The following HSP90AA1 variants were observed in gnomAD, a reference collection of about 807,000 sequenced individuals.
HSP90AA1 encodes the protein heat shock protein HSP 90-alpha.
In HSP90AA1, 18 loss-of-function variants were observed where a neutral mutation model predicts 73.3. The ratio of observed to expected loss-of-function variants is 0.25; its 90% CI spans 0.17 to 0.36. The LOEUF (loss-of-function observed/expected upper bound fraction) is 0.36. Among genes scored for constraint, HSP90AA1 ranks in the 10% least tolerant of loss-of-function variants. The pLI is 1.00. For synonymous variants in HSP90AA1, 477 were observed against 296.9 expected (o/e 1.61, Z -6.24); for missense variants, 704 against 874.2 (o/e 0.81, Z 2.45).
At position 102,083,586 on chromosome 14, in the gene HSP90AA1, G is replaced by A; in HGVS notation, c.1446C>T (p.Thr482=). The A allele has an allele frequency of 6.2e-7, 1 of 1,613,550 alleles. No homozygotes were observed. The highest frequency in any genetic ancestry group is 2.2e-5 in the East Asian group (1 of 44,872). Reference sequence around the variant, plus strand: ...TATGTTTCTGGTTCTCCTTCATTCTGGTGCAGTAGTCCTTGAGAGAAACCA... The same window carrying A: ...TATGTTTCTGGTTCTCCTTCATTCTAGTGCAGTAGTCCTTGAGAGAAACCA... The part of the protein sequence containing the change: ...DEMVSLKDYC[T]RMKENQKHIY... The change falls in exon 8 of 11, where the codon ACC becomes ACT. Residue 482 remains threonine, a synonymous_variant. Coordinates refer to ENST00000216281, the MANE Select transcript of HSP90AA1 (RefSeq NM_005348.4).
intron 1 of HSP90AA1, among the ~76,000 whole-genome samples, chr14:102,121,328 G>T (rs920237555): frequency 2.6e-5 from 4 of 151,924 alleles, no homozygotes; most frequent in Admixed American, 2.0e-4. Flanking sequence ...CTATTGATGG[G>T]TACTTAGATT....
At chr14:102,095,013 G>A (rs1327641073) in intron 2 of HSP90AA1, among the ~76,000 whole-genome samples, 1 of 152,130 alleles carries the variant, frequency 6.6e-6, no homozygotes, top group African/African-American at 2.4e-5. Context: ...GTTCACCAGG[G>A]GAACATAGGG....
intron 1 of HSP90AA1, among the ~76,000 whole-genome samples, chr14:102,105,958 C>T (rs572173041): frequency 1.3e-5 from 2 of 152,222 alleles, no homozygotes; most frequent in South Asian, 4.2e-4. Context: ...CGCCTGTAAT[C>T]CCAGCTGCTC....
At chr14:102,086,889 G>C in intron 1 of HSP90AA1, 97 bp downstream of exon 1, 1 of 714,246 alleles carries the variant, frequency 1.4e-6, no homozygotes, top group Non-Finnish European at 1.7e-6. Flanking sequence ...GGCTGCTTCA[G>C]GGATCTGGTC....
chr14:102,100,018 C>G (rs975615315), intron 2 of HSP90AA1, among the ~76,000 whole-genome samples: 1 of 152,038 alleles, frequency 6.6e-6, no homozygotes, highest in Non-Finnish European at 1.5e-5. Context: ...GAACTCTCAT[C>G]TTTACAAAAA....
intron 2 of HSP90AA1, among the ~76,000 whole-genome samples, chr14:102,095,986 C>G (rs1294171243): frequency 1.3e-5 from 2 of 152,188 alleles, no homozygotes; most frequent in Admixed American, 6.5e-5. Context: ...GCTGACCCCA[C>G]CTCTGCCTGC....
At chr14:102,090,319 G>A (rs921404012), upstream of HSP90AA1, among the ~76,000 whole-genome samples, 3 of 152,164 alleles carry the variant, frequency 2.0e-5, no homozygotes, top group Non-Finnish European at 2.9e-5. Flanking sequence ...CTCAGAATGT[G>A]GTGCCCTCTC....
upstream of HSP90AA1, among the ~76,000 whole-genome samples, chr14:102,088,355 G>A (rs1450249686): frequency 6.6e-6 from 1 of 152,124 alleles, no homozygotes; most frequent in African/African-American, 2.4e-5. Flanking sequence ...TCATAGCCAG[G>A]CCCTCGGAAT....
chr14:102,085,750 G>A lies in HSP90AA1; in HGVS notation c.529+8C>T, dbSNP rs2152612797. On this transcript the variant is annotated splice_region_variant and intron_variant, in intron 3 of 10. Transcript: ENST00000216281. ...GCTCACTTAACCAGTGAATGTTCAG[G>A]TGCCTACCTGTGTCTGTCCTCACTG... 3 of 1,613,926 alleles carry A rather than the reference G, an allele frequency of 1.9e-6. No individual in the cohort carries two copies. The highest frequency in any genetic ancestry group is 2.5e-6 in the Non-Finnish European group (3 of 1,179,864).
chr14:102,120,613 T>C (rs1245945252), intron 1 of HSP90AA1, among the ~76,000 whole-genome samples: 1 of 152,006 alleles, frequency 6.6e-6, no homozygotes. Context: ...AACTCAGAGT[T>C]TAATAAAACC....
chr14:102,089,702 T>C (rs1005119110), upstream of HSP90AA1, among the ~76,000 whole-genome samples: 4 of 150,600 alleles, frequency 2.7e-5, no homozygotes, highest in East Asian at 1.9e-4. Flanking sequence ...GCTTCCCCCC[T>C]GTCTCCAGCC....
upstream of HSP90AA1, among the ~76,000 whole-genome samples, chr14:102,088,890 GTTC>G (rs1337705130): frequency 1.4e-5 from 2 of 143,222 alleles, no homozygotes; most frequent in African/African-American, 2.5e-5. Flanking sequence ...TAACTCTGAC[GTTC>G]TTTTTTTTCT....
chr14:102,123,164 G>A (rs1248119424), intron 1 of HSP90AA1, among the ~76,000 whole-genome samples: 14 of 151,832 alleles, frequency 9.2e-5, no homozygotes, highest in Admixed American at 9.2e-4. Context: ...GGAGGCCAAG[G>A]TGGGTGGATC....
At position 102,129,504 on chromosome 14, in the gene HSP90AA1, CTTTT is replaced by C. The variant is rs34986713; in HGVS notation, c.155+9742_155+9745del. Reference sequence around the variant, plus strand: ...TACTTTCTGTCTCTATACTACATTCCTTTTTTTTTTTTTTTTGAGTTGGAGTCTT... The same window carrying C: ...TACTTTCTGTCTCTATACTACATTCCTTTTTTTTTTTTGAGTTGGAGTCTT... On this transcript the variant is annotated intron_variant, in intron 1 of 11. Transcript: ENST00000334701. 5.9e-3 allele frequency among the ~76,000 whole-genome samples: 645 copies of C among 108,494 alleles called. 6 individuals carry two copies. Among genetic ancestry groups the C allele is most frequent in the African/African-American group, 0.02 (592 of 29,774 alleles). 71.2% of individuals were successfully genotyped at this position (108,494 alleles called of 152,430 possible).
At chr14:102,085,573 A>G (rs930768839) in intron 3 of HSP90AA1, 142 bp from the exon 4 acceptor site, 6 of 1,181,330 alleles carry the variant, frequency 5.1e-6, no homozygotes, top group Non-Finnish European at 7.4e-6. Flanking sequence ...CCTTTTGGGC[A>G]AGGTGCCTCG....
intron 1 of HSP90AA1, among the ~76,000 whole-genome samples, chr14:102,127,607 T>C (rs943981448): frequency 3.9e-5 from 6 of 152,182 alleles, no homozygotes; most frequent in African/African-American, 1.4e-4. Flanking sequence ...AGGCTGGGAC[T>C]GGAGACAGTA....
Position 102,083,695 on chromosome 14 carries a change from T to C in HSP90AA1, c.1339-2A>G. On this transcript the variant is annotated splice_acceptor_variant, in intron 7 of 10. Coordinates refer to ENST00000216281, the MANE Select transcript of HSP90AA1 (RefSeq NM_005348.4). LOFTEE classifies it high-confidence loss of function. ...TTGAGAGTCTTCGTGTATTCCAAGC[T>C]GAAACAAAGTATGTTCTTTACAAAG... 6.2e-7 allele frequency: 1 copy of C among 1,601,810 alleles called. No homozygotes were observed. The highest frequency in any genetic ancestry group is 1.1e-5 in the South Asian group (1 of 90,774).
In HSP90AA1 at chr14:102,084,852, C is replaced by A. The variant is rs894040659; in HGVS notation, c.810G>T (p.Lys270Asn). The A allele has an allele frequency of 6.3e-7, 1 of 1,580,790 alleles. No individual in the cohort carries two copies. The highest frequency in any genetic ancestry group is 8.7e-7 in the Non-Finnish European group (1 of 1,150,014). The part of the protein sequence containing the change: ...DVGSDEEEEK[K>N]DGDKKKKKKI... ...TCTTCTTCTTCTTCTTGTCACCATCCTTCTTTTCTTCTTCCTCATCAGAAC... is the reference window on the plus strand; with the variant it reads ...TCTTCTTCTTCTTCTTGTCACCATCATTCTTTTCTTCTTCCTCATCAGAAC... Residue 270 changes from lysine (K) to asparagine (N), a missense_variant, in exon 5 of 11, where the codon AAG becomes AAT. Coordinates refer to ENST00000216281, the MANE Select transcript of HSP90AA1 (RefSeq NM_005348.4).
upstream of HSP90AA1, among the ~76,000 whole-genome samples, chr14:102,088,626 TG>T (rs2049305565): frequency 6.6e-6 from 1 of 152,178 alleles, no homozygotes; most frequent in Admixed American, 6.5e-5. Flanking sequence ...TTGCGCAGCC[TG>T]GGGGCGCGCC....
Sources: gnomAD v4.1 joint callset for allele counts (sites outside exome capture counted in the v4.1 genomes callset) on GRCh38, gnomAD v4.1.1 for gene constraint, MANE v1.5 for transcripts, NCBI Gene and HGNC (gene_info 2026-07-23, HGNC 2026-07-21) for gene names.